SPOCK1: variants seen among roughly 807,000 people sequenced by gnomAD.
The protein encoded by SPOCK1 is testican-1.
In SPOCK1, 23 loss-of-function variants were observed where a neutral mutation model predicts 55.3. The ratio of observed to expected loss-of-function variants is 0.42; its 90% CI spans 0.30 to 0.59. The LOEUF (loss-of-function observed/expected upper bound fraction) is 0.59. Among genes scored for constraint, SPOCK1 ranks in the 20% least tolerant of loss-of-function variants. The pLI is 0.22. For missense variants in SPOCK1, 499 were observed against 552.5 expected (o/e 0.90, Z 0.97); for synonymous variants, 226 against 221.0 (o/e 1.02, Z -0.20).
intron 6 of SPOCK1, among the ~76,000 whole-genome samples, chr5:137,054,067 G>A (rs749166827): frequency 1.4e-4 from 22 of 152,082 alleles, no homozygotes; most frequent in Admixed American, 5.9e-4. Flanking sequence ...GTATGTGTGT[G>A]TGCATGCGCA....
intron 2 of SPOCK1, among the ~76,000 whole-genome samples, chr5:137,326,832 C>T (rs1758086036): frequency 6.6e-6 from 1 of 152,192 alleles, no homozygotes; most frequent in South Asian, 2.1e-4. Flanking sequence ...GAATTTGTCT[C>T]ATCTATCATT....
intron 3 of SPOCK1, among the ~76,000 whole-genome samples, chr5:137,174,326 C>T (rs1561636319): frequency 6.6e-6 from 1 of 152,204 alleles, no homozygotes; most frequent in Admixed American, 6.5e-5. Flanking sequence ...TACTTCTGTC[C>T]CCTCCACGGG....
intron 2 of SPOCK1, among the ~76,000 whole-genome samples, chr5:137,489,932 C>T (rs760478751): frequency 6.6e-6 from 1 of 152,250 alleles, no homozygotes; most frequent in Non-Finnish European, 1.5e-5. Flanking sequence ...TTCCTCCTCC[C>T]TCTTCCCATG....
At chr5:137,156,561 C>T (rs993282680) in intron 3 of SPOCK1, among the ~76,000 whole-genome samples, 12 of 152,252 alleles carry the variant, frequency 7.9e-5, no homozygotes, top group African/African-American at 2.2e-4. Context: ...CAGAGAGTTT[C>T]GCTGAGCACC....
At chr5:137,458,836 A>G (rs747628715) in intron 2 of SPOCK1, among the ~76,000 whole-genome samples, 12 of 152,250 alleles carry the variant, frequency 7.9e-5, no homozygotes, top group African/African-American at 1.2e-4. Flanking sequence ...TACTATAGAA[A>G]TACTCATGTC....
chr5:137,469,350 T>C (rs992508714), intron 2 of SPOCK1, among the ~76,000 whole-genome samples: 3 of 152,036 alleles, frequency 2.0e-5, no homozygotes, highest in Non-Finnish European at 4.4e-5. Context: ...CCTCCAAGAG[T>C]TGGAACCTTT....
At chr5:137,119,162 C>T (rs377754816) in intron 4 of SPOCK1, among the ~76,000 whole-genome samples, 109 of 152,302 alleles carry the variant, frequency 7.2e-4, no homozygotes, top group Middle Eastern at 3.4e-3. Context: ...AGAGAATGAT[C>T]CCTCTCCAAT....
intron 2 of SPOCK1, among the ~76,000 whole-genome samples, chr5:137,465,128 G>A (rs763997451): frequency 5.9e-5 from 9 of 152,012 alleles, no homozygotes; most frequent in Non-Finnish European, 1.0e-4. Context: ...AAGCACCCAC[G>A]GCCATCAATT....
At position 136,976,978 on chromosome 5, in the gene SPOCK1, T is replaced by C. The variant is rs961280724; in HGVS notation, c.*1676A>G. The C allele has an allele frequency of 6.6e-6, 1 of 152,252 alleles. No homozygotes were observed. Among genetic ancestry groups the C allele is most frequent in the Non-Finnish European group, 1.5e-5 (1 of 68,058 alleles). 9.4% of individuals were successfully genotyped at this position (152,252 alleles called of 1,614,324 possible). A position where few individuals can be genotyped will look rare whatever the true frequency, so the allele number is the denominator to read the frequency against. ...TCATGTTTTGGCTGAACATATTTCTTGCTTGAGTTTATGTGGCTTTTGTGT... is the reference window on the plus strand; with the variant it reads ...TCATGTTTTGGCTGAACATATTTCTCGCTTGAGTTTATGTGGCTTTTGTGT... On this transcript the variant is annotated 3_prime_UTR_variant, in exon 11 of 11. Transcript: ENST00000394945.
At chr5:137,221,547 T>C (rs1007611537) in intron 3 of SPOCK1, among the ~76,000 whole-genome samples, 3 of 152,172 alleles carry the variant, frequency 2.0e-5, no homozygotes, top group African/African-American at 7.2e-5. Flanking sequence ...CCGAGACCTT[T>C]ACACAACATC....
chr5:137,297,991 G>A (rs1757520515), intron 2 of SPOCK1, among the ~76,000 whole-genome samples: 1 of 152,142 alleles, frequency 6.6e-6, no homozygotes, highest in African/African-American at 2.4e-5. Flanking sequence ...GCCCAGAGAA[G>A]TCTGTCTCTG....
intron 6 of SPOCK1, among the ~76,000 whole-genome samples, chr5:137,036,955 C>G (rs959081699): frequency 6.6e-6 from 1 of 152,120 alleles, no homozygotes; most frequent in African/African-American, 2.4e-5. Flanking sequence ...AGATTACCAG[C>G]CCGGCAGCCC....
At chr5:137,023,408 G>T (rs1369749855) in intron 6 of SPOCK1, among the ~76,000 whole-genome samples, 4 of 152,090 alleles carry the variant, frequency 2.6e-5, no homozygotes, top group Admixed American at 1.3e-4. Context: ...AGGGGATTGG[G>T]TACCCCTACA....
intron 3 of SPOCK1, among the ~76,000 whole-genome samples, chr5:137,253,928 C>T (rs1167147686): frequency 6.6e-6 from 1 of 152,258 alleles, no homozygotes; most frequent in African/African-American, 2.4e-5. Flanking sequence ...CATGCTACCC[C>T]TGCTTTTAAA....
intron 5 of SPOCK1, among the ~76,000 whole-genome samples, chr5:137,106,863 G>A (rs907288431): frequency 6.6e-6 from 1 of 152,090 alleles, no homozygotes; most frequent in African/African-American, 2.4e-5. Flanking sequence ...TCTACAGCTA[G>A]TGAACCCCTT....
chr5:137,214,075 C>A (rs951210314), intron 3 of SPOCK1, among the ~76,000 whole-genome samples: 9 of 152,140 alleles, frequency 5.9e-5, no homozygotes, highest in Non-Finnish European at 1.2e-4. Context: ...TTATACCTAG[C>A]CCAGGGTCGA....
intron 6 of SPOCK1, among the ~76,000 whole-genome samples, chr5:137,055,882 T>C (rs944298915): frequency 1.3e-5 from 2 of 152,122 alleles, no homozygotes; most frequent in East Asian, 3.9e-4. Context: ...TAGCCTGAGG[T>C]CGTGCCCCAG....
intron 8 of SPOCK1, among the ~76,000 whole-genome samples, chr5:136,987,828 C>T (rs1750872771): frequency 6.6e-6 from 1 of 152,184 alleles, no homozygotes; most frequent in South Asian, 2.1e-4. Context: ...AGTCAGGGCA[C>T]CTGCCACTGG....
At chr5:137,319,452 A>G (rs1757939988) in intron 2 of SPOCK1, among the ~76,000 whole-genome samples, 1 of 152,220 alleles carries the variant, frequency 6.6e-6, no homozygotes, top group Non-Finnish European at 1.5e-5. Context: ...ACATCTCTCC[A>G]AGAGCAAGTC....
Sources: gnomAD v4.1 joint callset for allele counts (sites outside exome capture counted in the v4.1 genomes callset) on GRCh38, gnomAD v4.1.1 for gene constraint, MANE v1.5 for transcripts, NCBI Gene and HGNC (gene_info 2026-07-23, HGNC 2026-07-21) for gene names.